Variants in CCDC88A observed in about 807,000 individuals in gnomAD.
CCDC88A encodes coiled-coil and HOOK domain protein 88A, also known as girdin.
In CCDC88A, 54 loss-of-function variants were observed where a neutral mutation model predicts 234.3. That is an observed-to-expected ratio of 0.23 (90% CI 0.19 to 0.29). The LOEUF (loss-of-function observed/expected upper bound fraction) is 0.29. Among genes scored for constraint, CCDC88A ranks in the 10% least tolerant of loss-of-function variants. The probability of loss-of-function intolerance (pLI) is 1.00; values close to 1 mark genes in which losing one functional copy is unlikely to be tolerated. For synonymous variants in CCDC88A, 753 were observed against 737.8 expected (o/e 1.02, Z -0.33); for missense variants, 1,832 against 2,123.4 (o/e 0.86, Z 2.70).
intron 2 of CCDC88A, among the ~76,000 whole-genome samples, chr2:55,401,499 CATATATATAT>C (rs70954117): frequency 0.034 from 1,861 of 54,560 alleles, 139 homozygotes; most frequent in East Asian, 0.1. Context: ...TGTGTGTATA[CATATATATAT>C]ATATATATAT....
intron 9 of CCDC88A, chr2:55,348,877 C>T (rs1669521928): frequency 6.6e-6 from 1 of 152,196 alleles, no homozygotes; most frequent in Admixed American, 6.5e-5. Flanking sequence ...TTACAGTATT[C>T]CCTGCATCTA....
rs764045238 is a variant in CCDC88A, at chr2:55,296,527, T to G, written c.4826-4A>C. 1 of 1,612,594 alleles carries G rather than the reference T, an allele frequency of 6.2e-7. No homozygotes were observed. The highest frequency in any genetic ancestry group is 8.5e-7 in the Non-Finnish European group (1 of 1,179,352). ...CTTTGGTTATTAACTGCACCTGCTT[T>G]TGGAGTAAATGGGGTGTTGAGATTT... On this transcript the variant is annotated splice_region_variant and splice_polypyrimidine_tract_variant and intron_variant, in intron 29 of 32. Transcript: ENST00000436346.
intron 7 of CCDC88A, among the ~76,000 whole-genome samples, chr2:55,361,326 G>T (rs1285322728): frequency 6.6e-6 from 1 of 152,142 alleles, no homozygotes; most frequent in African/African-American, 2.4e-5. Flanking sequence ...TAAATTTGAT[G>T]CATAGTAGGA....
At chr2:55,352,934 C>G (rs958504049) in intron 8 of CCDC88A, among the ~76,000 whole-genome samples, 2 of 152,110 alleles carry the variant, frequency 1.3e-5, no homozygotes, top group African/African-American at 4.8e-5. Flanking sequence ...TAGTAGAGAT[C>G]TGTCCCAATA....
At chr2:55,401,359 A>AGG (rs1177104030) in intron 2 of CCDC88A, among the ~76,000 whole-genome samples, 1 of 148,634 alleles carries the variant, frequency 6.7e-6, no homozygotes, top group East Asian at 1.9e-4. Flanking sequence ...ACTTGAGGCC[A>AGG]GGAGTCAGAA....
intron 6 of CCDC88A, 72 bp downstream of exon 6, chr2:55,363,878 T>C: frequency 1.3e-6 from 1 of 757,256 alleles, no homozygotes. Context: ...CTTTGAAGTA[T>C]TTTAGGAGAT....
intron 5 of CCDC88A, among the ~76,000 whole-genome samples, chr2:55,369,391 A>C (rs1355272385): frequency 6.6e-6 from 1 of 151,624 alleles, no homozygotes; most frequent in Admixed American, 6.6e-5. Flanking sequence ...CAATTCATGT[A>C]AACTCTCCAG....
rs1485151988 is a variant in CCDC88A at position 55,291,081 on chromosome 2, A to T, written c.*119T>A. The T allele has an allele frequency of 2.0e-5, 3 of 152,588 alleles. No individual in the cohort carries two copies. The highest frequency in any genetic ancestry group is 2.9e-5 in the Non-Finnish European group (2 of 67,976). 9.5% of individuals were successfully genotyped at this position (152,588 alleles called of 1,614,324 possible). On this transcript the variant is annotated 3_prime_UTR_variant, in exon 33 of 33. Transcript: ENST00000436346. ...GTTAAAAGTCTCCTTAAAGATTTTTAAAAATGATTCCTATAGTTGCTAGGT... is the reference window on the plus strand; with the variant it reads ...GTTAAAAGTCTCCTTAAAGATTTTTTAAAATGATTCCTATAGTTGCTAGGT...
At chr2:55,308,027 G>A (rs1004569944) in intron 25 of CCDC88A, 5 of 147,088 alleles carry the variant, frequency 3.4e-5, no homozygotes, top group African/African-American at 1.3e-4. Context: ...GCCCAGGCTG[G>A]AGCGCAATGG....
At chr2:55,305,002 G>A (rs1681366487) in intron 25 of CCDC88A, among the ~76,000 whole-genome samples, 1 of 152,120 alleles carries the variant, frequency 6.6e-6, no homozygotes, top group Admixed American at 6.6e-5. Flanking sequence ...TTGCTATTAG[G>A]AGCAGTCATA....
intron 22 of CCDC88A, chr2:55,315,650 T>G (rs535541794): frequency 4.5e-6 from 1 of 221,550 alleles, no homozygotes; most frequent in South Asian, 1.8e-4. Context: ...GTTTATAATT[T>G]CATGCCAGGT....
intron 7 of CCDC88A, among the ~76,000 whole-genome samples, chr2:55,358,668 C>A (rs926930210): frequency 6.6e-6 from 1 of 152,174 alleles, no homozygotes; most frequent in South Asian, 2.1e-4. Flanking sequence ...TATTCTTATG[C>A]ATTTTTTTGC....
intron 31 of CCDC88A, chr2:55,294,920 T>G (rs575166786): frequency 1.1e-4 from 127 of 1,165,326 alleles, no homozygotes; most frequent in Admixed American, 8.7e-4. Flanking sequence ...CATGCCATCA[T>G]GTACAGCTGA....
chr2:55,413,968 CA>C (rs10590157), intron 2 of CCDC88A, among the ~76,000 whole-genome samples: 4,992 of 148,308 alleles, frequency 0.034, 262 homozygotes, highest in African/African-American at 0.11. Context: ...AAAACAAAAA[CA>C]AAAAAAAAAA....
chr2:55,367,783 T>C (rs1672241522), intron 5 of CCDC88A, among the ~76,000 whole-genome samples: 1 of 152,064 alleles, frequency 6.6e-6, no homozygotes, highest in Admixed American at 6.6e-5. Flanking sequence ...AGTTCAAAAC[T>C]GGTTTTCAGA....
intron 2 of CCDC88A, among the ~76,000 whole-genome samples, chr2:55,414,739 C>T (rs904667189): frequency 1.3e-5 from 2 of 152,020 alleles, no homozygotes; most frequent in African/African-American, 4.8e-5. Flanking sequence ...TTTTCTTAGT[C>T]TTAATAAACA....
At chr2:55,342,019 T>A (rs979297875) in intron 12 of CCDC88A, among the ~76,000 whole-genome samples, 2 of 152,130 alleles carry the variant, frequency 1.3e-5, no homozygotes, top group African/African-American at 4.8e-5. Context: ...CTGAACCAGT[T>A]TACATTCCCA....
Position 55,395,026 on chromosome 2 carries a change from A to G in CCDC88A, c.165-6140T>C, listed in dbSNP as rs553290757. Among the ~76,000 whole-genome samples, 88 of 152,106 alleles carry G rather than the reference A, an allele frequency of 5.8e-4. 1 individual carries two copies. Among genetic ancestry groups the G allele is most frequent in the Non-Finnish European group, 1.1e-3 (72 of 67,966 alleles). On this transcript the variant is annotated intron_variant, in intron 2 of 32. Coordinates refer to ENST00000436346, the MANE Select transcript of CCDC88A (RefSeq NM_001365480.1). The stretch of plus-strand genomic sequence containing the variant: ...ACACCTGGCTGATTTTTGTATTTTT[A>G]GGAGAGATGGGTTTTCACCATGTTG...
intron 21 of CCDC88A, among the ~76,000 whole-genome samples, chr2:55,316,611 A>C (rs1683011688): frequency 1.3e-5 from 2 of 152,188 alleles, no homozygotes; most frequent in Non-Finnish European, 1.5e-5. Context: ...GGTGTGTGCC[A>C]GCAGTTCCAG....
Sources: gnomAD v4.1 joint callset for allele counts (sites outside exome capture counted in the v4.1 genomes callset) on GRCh38, gnomAD v4.1.1 for gene constraint, MANE v1.5 for transcripts, NCBI Gene and HGNC (gene_info 2026-07-23, HGNC 2026-07-21) for gene names.